Variants in CRB3 observed in about 807,000 individuals in gnomAD.
CRB3 encodes the protein protein crumbs homolog 3.
In CRB3, 4 loss-of-function variants were observed where a neutral mutation model predicts 10.4. That is an observed-to-expected ratio of 0.39 (90% CI 0.19 to 0.88). The LOEUF is 0.88. Among genes scored for constraint, CRB3 ranks in the 40% least tolerant of loss-of-function variants. CRB3 has a pLI of 0.39. For synonymous variants in CRB3, 74 were observed against 73.4 expected (o/e 1.01, Z -0.04); for missense variants, 154 against 160.2 (o/e 0.96, Z 0.21).
chr19:6,466,441 A>T lies in CRB3; in HGVS notation c.157-25A>T, dbSNP rs769295887. On this transcript the variant is annotated intron_variant, in intron 3 of 3. Coordinates refer to ENST00000600229, the MANE Select transcript of CRB3 (RefSeq NM_139161.5). This position sits in a 1 kb window ranked among gnomAD's most constrained non-coding sequence, Gnocchi z 4.9. ...TGGACAGGCTACCCAGGCTCAGGTG[A>T]TTCACACCTGTCCCCTCTCTGCAGC... 1 of 1,605,442 alleles carries T rather than the reference A, an allele frequency of 6.2e-7. No homozygotes were observed. Among genetic ancestry groups the T allele is most frequent in the Admixed American group, 1.7e-5 (1 of 59,998 alleles).
At position 6,467,131 on chromosome 19, in the gene CRB3, T is replaced by A; in HGVS notation, c.*459T>A. ...CAGTGCTTAATAGCAGGGAAGAAGG[T>A]ACTTCAAAGACTCTGCCCCTGAGGT... On this transcript the variant is annotated 3_prime_UTR_variant, in exon 4 of 4. Coordinates refer to ENST00000600229, the MANE Select transcript of CRB3 (RefSeq NM_139161.5). The A allele has an allele frequency of 1.0e-6, 1 of 954,014 alleles. No individual in the cohort carries two copies. The highest frequency in any genetic ancestry group is 1.6e-6 in the Non-Finnish European group (1 of 617,938). 59.1% of individuals were successfully genotyped at this position (954,014 alleles called of 1,614,324 possible).
rs1291453157 is a variant in CRB3 at position 6,466,448 on chromosome 19, C to T, written c.157-18C>T. 1.2e-6 allele frequency: 2 copies of T among 1,611,978 alleles called. No homozygotes were observed. The highest frequency in any genetic ancestry group is 1.7e-5 in the Admixed American group (1 of 60,004). On this transcript the variant is annotated intron_variant, in intron 3 of 3. Coordinates refer to ENST00000600229, the MANE Select transcript of CRB3 (RefSeq NM_139161.5). The surrounding 1 kb of genome is among the most constrained non-coding windows in gnomAD (Gnocchi z 4.9). ...GCTACCCAGGCTCAGGTGATTCACA[C>T]CTGTCCCCTCTCTGCAGCGTCCAGA...
In CRB3 at chr19:6,464,400, T is replaced by TGCCCGTCCCGTCCCG. The variant is rs1421257823; in HGVS notation, c.-95+51_-95+65dup. 4.7e-5 allele frequency: 14 copies of TGCCCGTCCCGTCCCG among 297,616 alleles called. No individual in the cohort carries two copies. Among genetic ancestry groups the TGCCCGTCCCGTCCCG allele is most frequent in the African/African-American group, 2.8e-4 (13 of 46,308 alleles). 18.4% of individuals were successfully genotyped at this position (297,616 alleles called of 1,614,324 possible). On this transcript the variant is annotated intron_variant, in intron 1 of 3. Transcript: ENST00000600229. This position sits in a 1 kb window ranked among gnomAD's most constrained non-coding sequence, Gnocchi z 5.3. ...GGCCTGCCCCCTCGCCCGTCCACCC[T>TGCCCGTCCCGTCCCG]GCCCGTCCCGTCCCGTCCCGTCCCG...
rs1316438818 is a variant in CRB3, at chr19:6,466,298, G to A, written c.157-168G>A. The stretch of plus-strand genomic sequence containing the variant: ...AGCCTTCGCACCCCAGACAAGGTAG[G>A]TAGGGATCCAGGAAGCCCCACTGTG... On this transcript the variant is annotated intron_variant, in intron 3 of 3. Transcript: ENST00000600229. This position sits in a 1 kb window ranked among gnomAD's most constrained non-coding sequence, Gnocchi z 4.9. 1.3e-5 allele frequency among the ~76,000 whole-genome samples: 2 copies of A among 152,024 alleles called. No individual in the cohort carries two copies. Among genetic ancestry groups the A allele is most frequent in the African/African-American group, 4.8e-5 (2 of 41,374 alleles).
chr19:6,464,878 G>T lies in CRB3; in HGVS notation c.82+95G>T. The T allele has an allele frequency of 1.4e-6, 1 of 690,744 alleles. No individual in the cohort carries two copies. The highest frequency in any genetic ancestry group is 2.0e-6 in the Non-Finnish European group (1 of 492,262). The allele number at this position is 690,744 out of a possible 1,614,324, so 42.8% of individuals were successfully genotyped here. On this transcript the variant is annotated intron_variant, in intron 2 of 3. Coordinates refer to ENST00000600229, the MANE Select transcript of CRB3 (RefSeq NM_139161.5). This position sits in a 1 kb window ranked among gnomAD's most constrained non-coding sequence, Gnocchi z 5.3. ...AGAAGCGCTGGGTATCTGGGGCGCA[G>T]AGAGGGTCAAGAATTGGGGAGCGGG...
At position 6,466,388 on chromosome 19, in the gene CRB3, G is replaced by A; in HGVS notation, c.157-78G>A. On this transcript the variant is annotated intron_variant, in intron 3 of 3. Transcript: ENST00000600229. This position sits in a 1 kb window ranked among gnomAD's most constrained non-coding sequence, Gnocchi z 4.9. ...GTGTGTGTGTTGTGGGGTAGGGGGT[G>A]ATGAGGGGGATGCCATTCAGGTGGA... 8.5e-7 allele frequency: 1 copy of A among 1,170,270 alleles called. No homozygotes were observed. Among genetic ancestry groups the A allele is most frequent in the Admixed American group, 1.7e-5 (1 of 58,618 alleles). 72.5% of individuals were successfully genotyped at this position (1,170,270 alleles called of 1,614,324 possible). A position where few individuals can be genotyped will look rare whatever the true frequency, so the allele number is the denominator to read the frequency against.
At position 6,466,855 on chromosome 19, in the gene CRB3, C is replaced by G. The variant is rs201243604; in HGVS notation, c.*183C>G. The G allele has an allele frequency of 3.3e-5, 52 of 1,567,702 alleles. No individual in the cohort carries two copies. The East Asian group carries it at 1.2e-3, about 35-fold the overall frequency. ...CCTCTGCTTGGCTGTGCCTGCAGCT[C>G]AGGGTGCTGGGGCTCGGGACCCACC... On this transcript the variant is annotated 3_prime_UTR_variant, in exon 4 of 4. Coordinates refer to ENST00000600229, the MANE Select transcript of CRB3 (RefSeq NM_139161.5). The surrounding 1 kb of genome is among the most constrained non-coding windows in gnomAD (Gnocchi z 4.9).
chr19:6,464,654 G>T lies in CRB3; in HGVS notation c.-48G>T. The T allele has an allele frequency of 1.8e-6, 2 of 1,139,734 alleles. No homozygotes were observed. The highest frequency in any genetic ancestry group is 4.5e-5 in the South Asian group (1 of 22,344). 70.6% of individuals were successfully genotyped at this position (1,139,734 alleles called of 1,614,324 possible). On this transcript the variant is annotated 5_prime_UTR_variant, in exon 2 of 4. Transcript: ENST00000600229. This position sits in a 1 kb window ranked among gnomAD's most constrained non-coding sequence, Gnocchi z 5.3. Reference sequence around the variant, plus strand: ...TGGCCGGAGATGCGGTAGGAGGGGCGAGCGCGAGAAGCCCCTTCCTCGGCG... The same window carrying T: ...TGGCCGGAGATGCGGTAGGAGGGGCTAGCGCGAGAAGCCCCTTCCTCGGCG...
chr19:6,466,348 G>C lies in CRB3; in HGVS notation c.157-118G>C, dbSNP rs2092794129. On this transcript the variant is annotated intron_variant, in intron 3 of 3. Transcript: ENST00000600229. The surrounding 1 kb of genome is among the most constrained non-coding windows in gnomAD (Gnocchi z 4.9). ...GGGGATCAGATCACCAAAAGTGGCA[G>C]ATGTGTGTATGTGTGTGTGTGTGTT... 1.2e-6 allele frequency: 1 copy of C among 857,568 alleles called. No individual in the cohort carries two copies. Among genetic ancestry groups the C allele is most frequent in the Non-Finnish European group, 1.9e-6 (1 of 527,130 alleles). 53.1% of individuals were successfully genotyped at this position (857,568 alleles called of 1,614,324 possible).
rs2092789659 is a variant in CRB3 at position 6,465,445 on chromosome 19, C to T, written c.83-100C>T. 3.2e-6 allele frequency: 3 copies of T among 936,498 alleles called. No homozygotes were observed. The Admixed American group carries it at 5.1e-5, about 16-fold the overall frequency. The allele number at this position is 936,498 out of a possible 1,614,324, so 58.0% of individuals were successfully genotyped here. A position where few individuals can be genotyped will look rare whatever the true frequency, so the allele number is the denominator to read the frequency against. ...AAGGCAGAGTTTGAATTGGGACCTG[C>T]TAGGGGGAGGTGAAGGGGAATGCCC... On this transcript the variant is annotated intron_variant, in intron 2 of 3. Coordinates refer to ENST00000600229, the MANE Select transcript of CRB3 (RefSeq NM_139161.5).
chr19:6,466,703 G>T lies in CRB3; in HGVS notation c.*31G>T. ...GGGGCCTGCTGCAGCCACCAACACTGCCCAGGACTGCGGGTTGCTGGCTTG... is the reference window on the plus strand; with the variant it reads ...GGGGCCTGCTGCAGCCACCAACACTTCCCAGGACTGCGGGTTGCTGGCTTG... On this transcript the variant is annotated 3_prime_UTR_variant, in exon 4 of 4. Coordinates refer to ENST00000600229, the MANE Select transcript of CRB3 (RefSeq NM_139161.5). This position sits in a 1 kb window ranked among gnomAD's most constrained non-coding sequence, Gnocchi z 4.9. 2 of 1,588,918 alleles carry T rather than the reference G, an allele frequency of 1.3e-6. No individual in the cohort carries two copies. Among genetic ancestry groups the T allele is most frequent in the Non-Finnish European group, 1.7e-6 (2 of 1,174,904 alleles).
In CRB3 at chr19:6,466,873, G is replaced by A. The variant is rs950586624; in HGVS notation, c.*201G>A. 1.3e-6 allele frequency: 2 copies of A among 1,579,772 alleles called. No individual in the cohort carries two copies. The highest frequency in any genetic ancestry group is 2.7e-5 in the African/African-American group (2 of 74,078). On this transcript the variant is annotated 3_prime_UTR_variant, in exon 4 of 4. Transcript: ENST00000600229. The surrounding 1 kb of genome is among the most constrained non-coding windows in gnomAD (Gnocchi z 4.9). ...TGCAGCTCAGGGTGCTGGGGCTCGGGACCCACCCCCCTGCTTGCGGAACCA... is the reference window on the plus strand; with the variant it reads ...TGCAGCTCAGGGTGCTGGGGCTCGGAACCCACCCCCCTGCTTGCGGAACCA...
In CRB3 at chr19:6,466,435, C is replaced by T; in HGVS notation, c.157-31C>T. On this transcript the variant is annotated intron_variant, in intron 3 of 3. Transcript: ENST00000600229. The surrounding 1 kb of genome is among the most constrained non-coding windows in gnomAD (Gnocchi z 4.9). ...TGGAGGTGGACAGGCTACCCAGGCTCAGGTGATTCACACCTGTCCCCTCTC... is the reference window on the plus strand; with the variant it reads ...TGGAGGTGGACAGGCTACCCAGGCTTAGGTGATTCACACCTGTCCCCTCTC... 2 of 1,600,666 alleles carry T rather than the reference C, an allele frequency of 1.2e-6. No individual in the cohort carries two copies.
rs960604824 is a variant in CRB3, at chr19:6,467,116, T to C, written c.*444T>C. 21 of 1,121,000 alleles carry C rather than the reference T, an allele frequency of 1.9e-5. No individual in the cohort carries two copies. Among genetic ancestry groups the C allele is most frequent in the Admixed American group, 8.0e-5 (4 of 50,066 alleles). The allele number at this position is 1,121,000 out of a possible 1,614,324, so 69.4% of individuals were successfully genotyped here. A position where few individuals can be genotyped will look rare whatever the true frequency, so the allele number is the denominator to read the frequency against. On this transcript the variant is annotated 3_prime_UTR_variant, in exon 4 of 4. Coordinates refer to ENST00000600229, the MANE Select transcript of CRB3 (RefSeq NM_139161.5). Reference sequence around the variant, plus strand: ...GCAGTCAGATCCACCCAGTGCTTAATAGCAGGGAAGAAGGTACTTCAAAGA... The same window carrying C: ...GCAGTCAGATCCACCCAGTGCTTAACAGCAGGGAAGAAGGTACTTCAAAGA...
chr19:6,466,798 C>A lies in CRB3; in HGVS notation c.*126C>A. 6.4e-7 allele frequency: 1 copy of A among 1,551,592 alleles called. No individual in the cohort carries two copies. Among genetic ancestry groups the A allele is most frequent in the East Asian group, 2.3e-5 (1 of 44,060 alleles). On this transcript the variant is annotated 3_prime_UTR_variant, in exon 4 of 4. Coordinates refer to ENST00000600229, the MANE Select transcript of CRB3 (RefSeq NM_139161.5). The surrounding 1 kb of genome is among the most constrained non-coding windows in gnomAD (Gnocchi z 4.9). ...AGGACTTGTGGGGAGAGGCTGGGGG[C>A]ACCCATGTGGTGGGCTCTGTGCAGC...
At position 6,464,462 on chromosome 19, in the gene CRB3, G is replaced by T; in HGVS notation, c.-95+112G>T. On this transcript the variant is annotated intron_variant, in intron 1 of 3. Coordinates refer to ENST00000600229, the MANE Select transcript of CRB3 (RefSeq NM_139161.5). This position sits in a 1 kb window ranked among gnomAD's most constrained non-coding sequence, Gnocchi z 5.3. The stretch of plus-strand genomic sequence containing the variant: ...TCCCCAGCCCAGGAACGCGCTCCTG[G>T]GAGTTAATCTTTAATCGCTGACCTC... 2.6e-6 allele frequency: 1 copy of T among 379,974 alleles called. No individual in the cohort carries two copies. Among genetic ancestry groups the T allele is most frequent in the East Asian group, 3.8e-5 (1 of 26,582 alleles). 23.5% of individuals were successfully genotyped at this position (379,974 alleles called of 1,614,324 possible).
chr19:6,464,401 G>GCCCGT lies in CRB3; in HGVS notation c.-95+75_-95+79dup, dbSNP rs576714100. On this transcript the variant is annotated intron_variant, in intron 1 of 3. Transcript: ENST00000600229. This position sits in a 1 kb window ranked among gnomAD's most constrained non-coding sequence, Gnocchi z 5.3. The stretch of plus-strand genomic sequence containing the variant: ...GCCTGCCCCCTCGCCCGTCCACCCT[G>GCCCGT]CCCGTCCCGTCCCGTCCCGTCCCGT... The GCCCGT allele has an allele frequency of 1.3e-3, 390 of 300,470 alleles. No individual in the cohort carries two copies. Among genetic ancestry groups the GCCCGT allele is most frequent in the Non-Finnish European group, 1.9e-3 (306 of 163,972 alleles). The allele number at this position is 300,470 out of a possible 1,614,324, so 18.6% of individuals were successfully genotyped here. A position where few individuals can be genotyped will look rare whatever the true frequency, so the allele number is the denominator to read the frequency against.
Position 6,466,374 on chromosome 19 carries a change from G to A in CRB3, c.157-92G>A, listed in dbSNP as rs2092794355. ...ATGTGTGTATGTGTGTGTGTGTGTTGTGGGGTAGGGGGTGATGAGGGGGAT... is the reference window on the plus strand; with the variant it reads ...ATGTGTGTATGTGTGTGTGTGTGTTATGGGGTAGGGGGTGATGAGGGGGAT... On this transcript the variant is annotated intron_variant, in intron 3 of 3. Transcript: ENST00000600229. The surrounding 1 kb of genome is among the most constrained non-coding windows in gnomAD (Gnocchi z 4.9). 13 of 1,005,074 alleles carry A rather than the reference G, an allele frequency of 1.3e-5. No homozygotes were observed. In the East Asian group the frequency reaches 3.1e-4, roughly 24 times the overall value. 62.3% of individuals were successfully genotyped at this position (1,005,074 alleles called of 1,614,324 possible). A position where few individuals can be genotyped will look rare whatever the true frequency, so the allele number is the denominator to read the frequency against.
In CRB3 at chr19:6,464,931, A is replaced by G. The variant is rs1905644509; in HGVS notation, c.82+148A>G. The stretch of plus-strand genomic sequence containing the variant: ...AGAAATACCTTGGGGAGGGGTCTAC[A>G]GGGTTAGGGCTCGGGGGGATTAAGA... On this transcript the variant is annotated intron_variant, in intron 2 of 3. Coordinates refer to ENST00000600229, the MANE Select transcript of CRB3 (RefSeq NM_139161.5). The surrounding 1 kb of genome is among the most constrained non-coding windows in gnomAD (Gnocchi z 5.3). The G allele has an allele frequency of 2.4e-6, 1 of 419,132 alleles. No homozygotes were observed. Among genetic ancestry groups the G allele is most frequent in the African/African-American group, 2.1e-5 (1 of 48,636 alleles). The allele number at this position is 419,132 out of a possible 1,614,324, so 26.0% of individuals were successfully genotyped here.
Sources: allele counts gnomAD v4.1 joint callset (sites outside exome capture counted in the v4.1 genomes callset), GRCh38; gene constraint gnomAD v4.1.1; non-coding constraint Gnocchi (gnomAD v3.1); transcripts MANE v1.5; gene names NCBI Gene and HGNC (gene_info 2026-07-23, HGNC 2026-07-21).